FRMD4A: variants seen among roughly 807,000 people sequenced by gnomAD.
FRMD4A encodes the protein FERM domain containing 4A.
FRMD4A carries 29 observed loss-of-function variants against 129.1 expected under a neutral mutation model. The observed-to-expected ratio is 0.22, with a 90% CI of 0.17 to 0.31. The LOEUF (loss-of-function observed/expected upper bound fraction) is 0.31, where lower values mean the gene tolerates loss of function less well. Ranked by LOEUF, FRMD4A falls within the 10% of genes least tolerant of loss-of-function variation. The pLI is 1.00. For missense variants in FRMD4A, 1,272 were observed against 1,375.8 expected (o/e 0.92, Z 1.19); for synonymous variants, 634 against 571.6 (o/e 1.11, Z -1.56).
At chr10:13,998,992 T>TAA (rs1040344196) in intron 2 of FRMD4A, among the ~76,000 whole-genome samples, 22 of 152,180 alleles carry the variant, frequency 1.4e-4, no homozygotes, top group African/African-American at 4.6e-4. Flanking sequence ...TCTGACTCTT[T>TAA]AACCTCACTT....
intron 5 of FRMD4A, among the ~76,000 whole-genome samples, chr10:13,786,623 A>C (rs1260373543): frequency 6.6e-6 from 1 of 152,158 alleles, no homozygotes; most frequent in Non-Finnish European, 1.5e-5. Context: ...AAATAAATAA[A>C]TCTACATCCT....
rs1207575912 is a variant in FRMD4A, at chr10:13,747,662, G to T, written c.548+74C>A. On this transcript the variant is annotated intron_variant, in intron 9 of 24. Coordinates refer to ENST00000357447, the MANE Select transcript of FRMD4A (RefSeq NM_018027.5). ...GCACGTGGGAGCTGGTGGAGGGAGG[G>T]TACATTCAGTTGTCCTGTGTCCCCT... is the stretch of plus-strand genomic sequence containing the variant. The T allele has an allele frequency of 3.7e-5, 29 of 790,714 alleles. No homozygotes were observed. In the East Asian group the frequency reaches 6.9e-4, roughly 19 times the overall value. The allele number at this position is 790,714 out of a possible 1,614,324, so 49.0% of individuals were successfully genotyped here. A position where few individuals can be genotyped will look rare whatever the true frequency, so the allele number is the denominator to read the frequency against.
intron 2 of FRMD4A, among the ~76,000 whole-genome samples, chr10:13,871,507 C>T (rs989279313): frequency 2.6e-5 from 4 of 152,184 alleles, no homozygotes; most frequent in South Asian, 2.1e-4. Flanking sequence ...GTGCAGAATC[C>T]GTTTCAATGC....
rs559219185 is a variant in FRMD4A, at chr10:13,893,021, T to C, written c.46-34109A>G. On this transcript the variant is annotated intron_variant, in intron 2 of 24. Transcript: ENST00000357447. ...AAAGTTGAACGCTGGTGTTAAGGAC[T>C]ACCTGTTTTGTGTTTGTTTGTTTGT... Among the ~76,000 whole-genome samples, 10 of 152,264 alleles carry C rather than the reference T, an allele frequency of 6.6e-5. No homozygotes were observed. The East Asian group carries it at 1.9e-3, about 29-fold the overall frequency.
chr10:14,105,725 G>A (rs991534964), intron 2 of FRMD4A, among the ~76,000 whole-genome samples: 2 of 152,070 alleles, frequency 1.3e-5, no homozygotes, highest in Non-Finnish European at 2.9e-5. Context: ...GGTATGTCTC[G>A]CTTCACTTTT....
At chr10:13,763,483 C>A (rs116978662) in intron 6 of FRMD4A, among the ~76,000 whole-genome samples, 174 of 152,222 alleles carry the variant, frequency 1.1e-3, no homozygotes, top group Middle Eastern at 0.01. Flanking sequence ...ACTACCGTAT[C>A]GTCAGCTCAG....
chr10:13,681,922 T>C, intron 15 of FRMD4A, among the ~76,000 whole-genome samples: 1 of 152,092 alleles, frequency 6.6e-6, no homozygotes, highest in South Asian at 2.1e-4. Flanking sequence ...CAGTTACTCT[T>C]TCTATTAAAA....
chr10:13,773,773 G>A (rs1478034877), intron 6 of FRMD4A, among the ~76,000 whole-genome samples: 1 of 152,240 alleles, frequency 6.6e-6, no homozygotes, highest in Non-Finnish European at 1.5e-5. Context: ...GAAAGTGCGG[G>A]AAGAGCTGAG....
intron 2 of FRMD4A, among the ~76,000 whole-genome samples, chr10:13,940,922 C>T (rs1482909335): frequency 6.6e-6 from 1 of 152,104 alleles, no homozygotes; most frequent in East Asian, 1.9e-4. Context: ...AGTGGCCAGG[C>T]TAGGATTCAT....
chr10:14,220,865 G>C (rs947602181), intron 2 of FRMD4A, among the ~76,000 whole-genome samples: 1 of 151,758 alleles, frequency 6.6e-6, no homozygotes, highest in African/African-American at 2.4e-5. Context: ...AGAGCTCAGA[G>C]GCAGGTGGTA....
chr10:13,781,103 G>C (rs1282338285), intron 6 of FRMD4A, among the ~76,000 whole-genome samples: 1 of 151,958 alleles, frequency 6.6e-6, no homozygotes, highest in Non-Finnish European at 1.5e-5. Context: ...AGGAGTTTGA[G>C]ACCAGCCTGG....
intron 16 of FRMD4A, among the ~76,000 whole-genome samples, chr10:13,674,497 C>G (rs144853651): frequency 6.6e-6 from 1 of 152,154 alleles, no homozygotes; most frequent in African/African-American, 2.4e-5. Context: ...GGTTTAGGGA[C>G]TTTTTCTTTT....
chr10:14,225,690 T>C (rs1245526047), intron 2 of FRMD4A, among the ~76,000 whole-genome samples: 2 of 152,210 alleles, frequency 1.3e-5, no homozygotes, highest in Non-Finnish European at 2.9e-5. Flanking sequence ...AACCCCCTTG[T>C]TCTGATTGCA....
chr10:13,850,322 C>T (rs576494018), intron 3 of FRMD4A, among the ~76,000 whole-genome samples: 1 of 152,100 alleles, frequency 6.6e-6, no homozygotes, highest in South Asian at 2.1e-4. Context: ...AGACTATTTA[C>T]TTGCCCTCAG....
intron 9 of FRMD4A, among the ~76,000 whole-genome samples, chr10:13,746,289 C>A (rs1467135903): frequency 6.6e-6 from 1 of 152,188 alleles, no homozygotes; most frequent in Non-Finnish European, 1.5e-5. Flanking sequence ...TTGTTCCCTG[C>A]AACCTCCGAC....
At chr10:13,784,743 C>T (rs2092813261) in intron 5 of FRMD4A, among the ~76,000 whole-genome samples, 1 of 152,152 alleles carries the variant, frequency 6.6e-6, no homozygotes. Context: ...CATCCCAGCA[C>T]TTTGGGAGGC....
chr10:13,714,610 C>A (rs749137068), intron 12 of FRMD4A, among the ~76,000 whole-genome samples: 1 of 151,936 alleles, frequency 6.6e-6, no homozygotes, highest in Non-Finnish European at 1.5e-5. Context: ...ATATTTGTAG[C>A]GAGCTTACAA....
intron 2 of FRMD4A, among the ~76,000 whole-genome samples, chr10:13,873,432 G>C (rs569647804): frequency 2.6e-5 from 4 of 152,220 alleles, no homozygotes. Flanking sequence ...ACTCGCAAAG[G>C]AGACTAGATT....
chr10:14,108,085 A>T (rs754804332), intron 2 of FRMD4A, among the ~76,000 whole-genome samples: 1 of 152,186 alleles, frequency 6.6e-6, no homozygotes, highest in South Asian at 2.1e-4. Context: ...CAAGTGCCTC[A>T]TTCTTCACGG....
Sources: allele counts gnomAD v4.1 joint callset (sites outside exome capture counted in the v4.1 genomes callset), GRCh38; gene constraint gnomAD v4.1.1; transcripts MANE v1.5; gene names NCBI Gene and HGNC (gene_info 2026-07-23, HGNC 2026-07-21).